The following LAMC3 variants were observed in gnomAD, a reference collection of about 807,000 sequenced individuals.
The protein encoded by LAMC3 is laminin subunit gamma-3.
A neutral mutation model predicts 173.8 loss-of-function variants in LAMC3; 128 were observed. The observed-to-expected ratio is 0.74, with a 90% CI of 0.64 to 0.85. The LOEUF is 0.85. Among genes scored for constraint, LAMC3 ranks in the 40% least tolerant of loss-of-function variants. The pLI, the probability that LAMC3 is intolerant of heterozygous loss-of-function variation, is 0.00. For synonymous variants in LAMC3, 897 were observed against 909.1 expected (o/e 0.99, Z 0.24); for missense variants, 2,022 against 2,156.0 (o/e 0.94, Z 1.23).
chr9:131,039,509 A>C (rs1371859235), intron 6 of LAMC3, among the ~76,000 whole-genome samples: 2 of 151,946 alleles, frequency 1.3e-5, no homozygotes, highest in Non-Finnish European at 2.9e-5. Context: ...GGTGCTGCAT[A>C]AGTGCAGGGA....
At chr9:131,085,441 C>T in intron 24 of LAMC3, 83 bp from the exon 25 acceptor site, 1 of 1,422,708 alleles carries the variant, frequency 7.0e-7, no homozygotes, top group Non-Finnish European at 9.9e-7. Flanking sequence ...TGTGGTCAGC[C>T]AGGCAGCTCT....
chr9:131,065,089 G>GGCA (rs1158939928), intron 13 of LAMC3, among the ~76,000 whole-genome samples: 5 of 150,348 alleles, frequency 3.3e-5, no homozygotes, highest in African/African-American at 9.8e-5. Context: ...ATGTAAGCAA[G>GGCA]GCAGCATTCT....
At chr9:131,076,549 CCAG>C in intron 21 of LAMC3, among the ~76,000 whole-genome samples, 2 of 152,180 alleles carry the variant, frequency 1.3e-5, no homozygotes, top group African/African-American at 4.8e-5. Flanking sequence ...ATGACCCACC[CCAG>C]GGGCAGAGCG....
At chr9:131,014,970 T>C (rs1833493657) in intron 1 of LAMC3, among the ~76,000 whole-genome samples, 1 of 152,162 alleles carries the variant, frequency 6.6e-6, no homozygotes, top group South Asian at 2.1e-4. Context: ...AGCGAGACCC[T>C]GTCTCAGAAA....
rs538232140 is a variant in LAMC3, at chr9:131,013,333, G to A, written c.373+3746G>A. 1.6e-4 allele frequency among the ~76,000 whole-genome samples: 25 copies of A among 152,250 alleles called. No homozygotes were observed. In the East Asian group the frequency reaches 4.8e-3, roughly 29 times the overall value. Reference sequence around the variant, plus strand: ...GGCTGTGGCTTTCGGTGGGCTGGGGGAGTCTCCTCCCGGCTTGCACTTGGA... The same window carrying A: ...GGCTGTGGCTTTCGGTGGGCTGGGGAAGTCTCCTCCCGGCTTGCACTTGGA... On this transcript the variant is annotated intron_variant, in intron 1 of 27. Transcript: ENST00000361069.
Position 131,052,682 on chromosome 9 carries a change from C to T in LAMC3, c.1822C>T (p.His608Tyr), listed in dbSNP as rs1396249205. The T allele has an allele frequency of 3.7e-6, 6 of 1,612,900 alleles. No individual in the cohort carries two copies. Among genetic ancestry groups the T allele is most frequent in the Non-Finnish European group, 5.1e-6 (6 of 1,179,434 alleles). ...GHPREVELRF[H>Y]LQETSEDVAP... ...TCCCAGGGAGGTAGAGCTCAGGTTC[C>T]AGTAAGTATCCCCTTCTGTCCTGAG... The change falls in exon 10 of 28, where the codon CAC becomes TAC. Residue 608 changes from histidine (H) to tyrosine (Y), a missense_variant and splice_region_variant. Physicochemically the swap from His to Tyr is moderately conservative, Grantham distance 83. Coordinates refer to ENST00000361069, the MANE Select transcript of LAMC3 (RefSeq NM_006059.4).
intron 16 of LAMC3, 108 bp downstream of exon 16, chr9:131,069,158 C>A: frequency 2.3e-6 from 3 of 1,327,208 alleles, no homozygotes; most frequent in Non-Finnish European, 3.2e-6. Context: ...GATCGTCAGA[C>A]ATGGGACAGG....
chr9:131,039,516 G>A (rs1019033052), intron 6 of LAMC3, among the ~76,000 whole-genome samples: 1 of 152,110 alleles, frequency 6.6e-6, no homozygotes, highest in African/African-American at 2.4e-5. Context: ...CATAAGTGCA[G>A]GGAGAGGGGA....
chr9:131,051,133 G>A (rs941351938), intron 9 of LAMC3, among the ~76,000 whole-genome samples: 7 of 152,140 alleles, frequency 4.6e-5, no homozygotes, highest in Non-Finnish European at 8.8e-5. Flanking sequence ...GGCGGGGCGC[G>A]CTACAGAATT....
rs186430008 is a variant in LAMC3 at position 131,040,457 on chromosome 9, G to A, written c.1284-1180G>A. On this transcript the variant is annotated intron_variant, in intron 6 of 27. Transcript: ENST00000361069. Reference sequence around the variant, plus strand: ...GCTTCCCAAAGTGCTGATTACAGACGTGAGTCACCGCGCCTGGCCCAGAAG... The same window carrying A: ...GCTTCCCAAAGTGCTGATTACAGACATGAGTCACCGCGCCTGGCCCAGAAG... Among the ~76,000 whole-genome samples the A allele has an allele frequency of 1.9e-3, 286 of 152,280 alleles. 3 individuals carry two copies. Among genetic ancestry groups the A allele is most frequent in the Admixed American group, 0.015 (231 of 15,294 alleles).
intron 10 of LAMC3, 41 bp downstream of exon 10, chr9:131,052,724 G>A (rs373582733): frequency 1.1e-5 from 17 of 1,576,060 alleles, no homozygotes; most frequent in Non-Finnish European, 1.5e-5. Context: ...GGAGGTGAGA[G>A]GGGTGGTCTC....
At position 131,085,737 on chromosome 9, in the gene LAMC3, C is replaced by T; in HGVS notation, c.4230+14C>T. ...GACAGTGCCAAGGTCAGGGTGGTGG[C>T]TGTGACAACAGTGGCCTCCTTCCCT... On this transcript the variant is annotated intron_variant, in intron 25 of 27. Coordinates refer to ENST00000361069, the MANE Select transcript of LAMC3 (RefSeq NM_006059.4). 3 of 1,613,660 alleles carry T rather than the reference C, an allele frequency of 1.9e-6. No individual in the cohort carries two copies. The highest frequency in any genetic ancestry group is 1.3e-5 in the African/African-American group (1 of 75,060).
chr9:131,032,706 T>C (rs984260453), intron 3 of LAMC3, among the ~76,000 whole-genome samples: 4 of 152,148 alleles, frequency 2.6e-5, no homozygotes, highest in South Asian at 2.1e-4. Context: ...TTCGCTCTTG[T>C]TGCCCAGGCT....
chr9:131,069,958 T>G, intron 17 of LAMC3, 108 bp downstream of exon 17: 1 of 1,173,396 alleles, frequency 8.5e-7, no homozygotes, highest in Non-Finnish European at 1.2e-6. Flanking sequence ...GTGCTCAGGC[T>G]TTGCAAGCCC....
rs149931892 is a variant in LAMC3 at position 131,053,296 on chromosome 9, G to T, written c.1939+331G>T. Among the ~76,000 whole-genome samples the T allele has an allele frequency of 2.2e-3, 341 of 152,248 alleles. 1 individual carries two copies. Among genetic ancestry groups the T allele is most frequent in the African/African-American group, 7.8e-3 (326 of 41,546 alleles). ...CTTCACTGGATCCACCAAGCCCCCTGTCCCCGCTGGACACAGCCCACAGCC... is the reference window on the plus strand; with the variant it reads ...CTTCACTGGATCCACCAAGCCCCCTTTCCCCGCTGGACACAGCCCACAGCC... On this transcript the variant is annotated intron_variant, in intron 11 of 27. Coordinates refer to ENST00000361069, the MANE Select transcript of LAMC3 (RefSeq NM_006059.4).
chr9:131,091,872 T>A lies in LAMC3; in HGVS notation c.*85T>A. Reference sequence around the variant, plus strand: ...GCACACTACCCCACAGGTGTGCCCATACAGACATTCCCCGGAGCCGGCTGC... The same window carrying A: ...GCACACTACCCCACAGGTGTGCCCAAACAGACATTCCCCGGAGCCGGCTGC... On this transcript the variant is annotated 3_prime_UTR_variant, in exon 28 of 28. Coordinates refer to ENST00000361069, the MANE Select transcript of LAMC3 (RefSeq NM_006059.4). 3 of 1,524,532 alleles carry A rather than the reference T, an allele frequency of 2.0e-6. No individual in the cohort carries two copies. In the South Asian group the frequency reaches 3.5e-5, roughly 18 times the overall value. 94.4% of individuals were successfully genotyped at this position (1,524,532 alleles called of 1,614,324 possible). A position where few individuals can be genotyped will look rare whatever the true frequency, so the allele number is the denominator to read the frequency against.
rs779066179 is a variant in LAMC3 at position 131,038,879 on chromosome 9, G to A, written c.992G>A (p.Gly331Asp). The A allele has an allele frequency of 6.2e-6, 10 of 1,613,086 alleles. No homozygotes were observed. Among genetic ancestry groups the A allele is most frequent in the Non-Finnish European group, 8.5e-6 (10 of 1,180,020 alleles). ...CTGCCCATAGCCTGCAACTGCAGTG[G>A]CCGCTCCGAGGAATGCACGTTTGAT... is the stretch of plus-strand genomic sequence containing the variant. Reference protein sequence around the residue: ...AHECLPCNCSGRSEECTFDRE... With the variant: ...AHECLPCNCSDRSEECTFDRE... The change falls in exon 5 of 28, where the codon GGC becomes GAC. Residue 331 changes from glycine to aspartate, a missense_variant. Physicochemically the swap from Gly to Asp is moderately conservative, Grantham distance 94 (BLOSUM62 -1). Coordinates refer to ENST00000361069, the MANE Select transcript of LAMC3 (RefSeq NM_006059.4).
At chr9:131,065,832 A>G (rs1829923029) in intron 13 of LAMC3, among the ~76,000 whole-genome samples, 1 of 122,538 alleles carries the variant, frequency 8.2e-6, no homozygotes, top group Non-Finnish European at 1.8e-5. Flanking sequence ...GATGAGAATA[A>G]TGGTCAAGAT....
Position 131,049,069 on chromosome 9 carries a change from A to G in LAMC3, c.1569A>G (p.Pro523=). ...GTGTGGGGGGCTCTGAGCACCCCCC[A>G]CAATGGAGCCCAAATGGGGTCCTCC... The part of the protein sequence containing the change: ...ARSVGGSEHP[P]QWSPNGVLLS... Residue 523 remains proline, a synonymous_variant, in exon 9 of 28, where the codon CCA becomes CCG. Coordinates refer to ENST00000361069, the MANE Select transcript of LAMC3 (RefSeq NM_006059.4). The G allele has an allele frequency of 6.4e-7, 1 of 1,552,338 alleles. No individual in the cohort carries two copies. The highest frequency in any genetic ancestry group is 1.2e-5 in the South Asian group (1 of 84,082).
Sources: gnomAD v4.1 joint callset for allele counts (sites outside exome capture counted in the v4.1 genomes callset) on GRCh38, gnomAD v4.1.1 for gene constraint, MANE v1.5 for transcripts, NCBI Gene and HGNC (gene_info 2026-07-23, HGNC 2026-07-21) for gene names.